MYT1L: variants seen among roughly 807,000 people sequenced by gnomAD.
MYT1L encodes the protein myelin transcription factor 1 like.
A neutral mutation model predicts 126.7 loss-of-function variants in MYT1L; 12 were observed. The ratio of observed to expected loss-of-function variants is 0.09; its 90% CI spans 0.06 to 0.15. The LOEUF (loss-of-function observed/expected upper bound fraction) is 0.15. Among genes scored for constraint, MYT1L ranks in the 10% least tolerant of loss-of-function variants. The probability of loss-of-function intolerance (pLI) is 1.00; values close to 1 mark genes in which losing one functional copy is unlikely to be tolerated. For missense variants in MYT1L, 979 were observed against 1,585.2 expected, an observed-to-expected ratio of 0.62 and a Z score of 6.49; for synonymous variants, 541 against 604.2, an observed-to-expected ratio of 0.90 and a Z score of 1.53.
intron 2 of MYT1L, among the ~76,000 whole-genome samples, chr2:2,263,088 A>G (rs1218572760): frequency 6.6e-6 from 1 of 151,316 alleles, no homozygotes; most frequent in Non-Finnish European, 1.5e-5. Context: ...ATTGAAACTA[A>G]TAACTTTAAA....
chr2:1,931,193 C>T (rs559410821), intron 9 of MYT1L, among the ~76,000 whole-genome samples: 6 of 152,322 alleles, frequency 3.9e-5, no homozygotes, highest in Admixed American at 1.3e-4. Context: ...TTGGGCCTTC[C>T]CTCTGCTCCT....
intron 2 of MYT1L, among the ~76,000 whole-genome samples, chr2:2,200,981 A>G (rs1479273682): frequency 6.6e-6 from 1 of 152,242 alleles, no homozygotes; most frequent in East Asian, 1.9e-4. Flanking sequence ...AACAAAGCAC[A>G]TTAATCTTTA....
chr2:2,202,405 A>T (rs988552438), intron 2 of MYT1L, among the ~76,000 whole-genome samples: 2 of 152,180 alleles, frequency 1.3e-5, no homozygotes, highest in Non-Finnish European at 2.9e-5. Context: ...AGAGAGAAGA[A>T]CCAAATAGAT....
At chr2:2,102,841 T>G (rs1392117390) in intron 3 of MYT1L, among the ~76,000 whole-genome samples, 1 of 152,052 alleles carries the variant, frequency 6.6e-6, no homozygotes, top group East Asian at 1.9e-4. Flanking sequence ...ATAGCCAAGA[T>G]ATTGCTCCAG....
At position 1,982,850 on chromosome 2, in the gene MYT1L, GC is replaced by G. The variant is rs1323378177; in HGVS notation, c.1-3074del. Among the ~76,000 whole-genome samples the G allele has an allele frequency of 3.3e-5, 5 of 152,314 alleles. No homozygotes were observed. In the East Asian group the frequency reaches 9.7e-4, roughly 29 times the overall value. Reference sequence around the variant, plus strand: ...TAAACCCACATTTATGATTTCTCTTGCTGTAGTTTAGGGGAGCACCTGTGAG... The same window carrying G: ...TAAACCCACATTTATGATTTCTCTTGTGTAGTTTAGGGGAGCACCTGTGAG... On this transcript the variant is annotated intron_variant, in intron 5 of 24. Coordinates refer to ENST00000647738, the MANE Select transcript of MYT1L (RefSeq NM_001303052.2).
At chr2:2,083,920 T>C (rs1437243315) in intron 3 of MYT1L, among the ~76,000 whole-genome samples, 1 of 148,312 alleles carries the variant, frequency 6.7e-6, no homozygotes, top group Non-Finnish European at 1.5e-5. Context: ...CATTTTAGTG[T>C]AGACCGAGAA....
Position 2,059,173 on chromosome 2 carries a change from C to A in MYT1L, c.-303-5050G>T, listed in dbSNP as rs1414424450. Among the ~76,000 whole-genome samples the A allele has an allele frequency of 6.6e-6, 1 of 152,330 alleles. No homozygotes were observed. Among genetic ancestry groups the A allele is most frequent in the Non-Finnish European group, 1.5e-5 (1 of 68,042 alleles). On this transcript the variant is annotated intron_variant, in intron 3 of 24. Coordinates refer to ENST00000647738, the MANE Select transcript of MYT1L (RefSeq NM_001303052.2). This position sits in a 1 kb window ranked among gnomAD's most constrained non-coding sequence, Gnocchi z 4.7. The stretch of plus-strand genomic sequence containing the variant: ...GGGAACTGAATGGCCGTTCCCATTT[C>A]TCTGAACAAAGGGTGCCTGGCTGAG...
At chr2:1,837,418 A>T in intron 21 of MYT1L, among the ~76,000 whole-genome samples, 1 of 152,286 alleles carries the variant, frequency 6.6e-6, no homozygotes, top group East Asian at 1.9e-4. Context: ...AAAATTTTTA[A>T]ACATTTTATT....
chr2:2,076,364 C>T (rs910334701), intron 3 of MYT1L, among the ~76,000 whole-genome samples: 15 of 152,284 alleles, frequency 9.9e-5, no homozygotes, highest in Admixed American at 2.6e-4. Flanking sequence ...TTTAAGGCAA[C>T]GCCTTCTCAC....
chr2:2,121,676 G>A (rs558733918), intron 3 of MYT1L, among the ~76,000 whole-genome samples: 4 of 152,022 alleles, frequency 2.6e-5, no homozygotes, highest in African/African-American at 7.2e-5. Flanking sequence ...TGGTAGAGAC[G>A]GGGTTTCACC....
At chr2:1,882,810 G>A (rs1429167211) in intron 18 of MYT1L, among the ~76,000 whole-genome samples, 6 of 152,194 alleles carry the variant, frequency 3.9e-5, no homozygotes, top group African/African-American at 1.4e-4. Context: ...GTTTACAGTG[G>A]AGAATCTAAG....
At chr2:1,968,088 C>T (rs965457334) in intron 8 of MYT1L, among the ~76,000 whole-genome samples, 1 of 152,168 alleles carries the variant, frequency 6.6e-6, no homozygotes. Context: ...GAGGCTGTGT[C>T]CAGGGTGCTC....
chr2:1,898,762 G>A (rs1245749609), intron 14 of MYT1L, among the ~76,000 whole-genome samples: 1 of 152,238 alleles, frequency 6.6e-6, no homozygotes, highest in African/African-American at 2.4e-5. Context: ...CTTCACCAGG[G>A]AGCGGCCTCT....
chr2:2,240,572 C>T (rs6732709), intron 2 of MYT1L, among the ~76,000 whole-genome samples: 2,917 of 152,200 alleles, frequency 0.019, 98 homozygotes, highest in African/African-American at 0.067. Context: ...TTAAAATATA[C>T]GTTCTAATCC....
chr2:2,004,895 TGTTCTTTCCTGCATGC>T (rs1558704150), intron 4 of MYT1L, among the ~76,000 whole-genome samples: 2 of 123,936 alleles, frequency 1.6e-5, no homozygotes, highest in South Asian at 2.9e-4. Context: ...TTCCTGCATG[TGTTCTTTCCTGCATGC>T]GTTCTTTCCT....
At chr2:1,868,715 A>AG (rs1020108660) in intron 18 of MYT1L, among the ~76,000 whole-genome samples, 32 of 152,086 alleles carry the variant, frequency 2.1e-4, no homozygotes, top group Non-Finnish European at 3.1e-4. Context: ...GCTGAGAGGC[A>AG]GGGGGGATGC....
intron 3 of MYT1L, among the ~76,000 whole-genome samples, chr2:2,073,803 T>C (rs1262685934): frequency 1.3e-5 from 2 of 152,160 alleles, no homozygotes; most frequent in African/African-American, 4.8e-5. Context: ...GGACATATTC[T>C]TCAACACTTA....
intron 5 of MYT1L, among the ~76,000 whole-genome samples, chr2:1,989,107 G>A (rs977901891): frequency 2.0e-5 from 3 of 152,084 alleles, no homozygotes; most frequent in Non-Finnish European, 2.9e-5. Context: ...ACAGCCAAAC[G>A]TTTAGTTGCA....
At position 1,848,288 on chromosome 2, in the gene MYT1L, AAGC is replaced by A. The variant is rs2148489174; in HGVS notation, c.2774+3350_2774+3352del. ...AGGGAGAATTCTACAGACACCACGG[AAGC>A]GCGAGGCATTTGTCCTGGGAGCAGG... On this transcript the variant is annotated intron_variant, in intron 19 of 24. Coordinates refer to ENST00000647738, the MANE Select transcript of MYT1L (RefSeq NM_001303052.2). The surrounding 1 kb of genome is among the most constrained non-coding windows in gnomAD (Gnocchi z 4.8). 7.9e-5 allele frequency among the ~76,000 whole-genome samples: 4 copies of A among 50,680 alleles called. No homozygotes were observed. The highest frequency in any genetic ancestry group is 5.4e-4 in the African/African-American group (4 of 7,368). 33.2% of individuals were successfully genotyped at this position (50,680 alleles called of 152,430 possible). A position where few individuals can be genotyped will look rare whatever the true frequency, so the allele number is the denominator to read the frequency against.
Sources: allele counts gnomAD v4.1 joint callset (sites outside exome capture counted in the v4.1 genomes callset), GRCh38; gene constraint gnomAD v4.1.1; non-coding constraint Gnocchi (gnomAD v3.1); transcripts MANE v1.5; gene names NCBI Gene and HGNC (gene_info 2026-07-23, HGNC 2026-07-21).